Variants in SYT10 observed in about 807,000 individuals in gnomAD.
The protein encoded by SYT10 is synaptotagmin 10.
In SYT10, 31 loss-of-function variants were observed where a neutral mutation model predicts 51.1. That is an observed-to-expected ratio of 0.61 (90% CI 0.46 to 0.82). The LOEUF (loss-of-function observed/expected upper bound fraction) is 0.82. SYT10 is among the 40% of genes least tolerant of loss of function. The pLI, the probability that SYT10 is intolerant of heterozygous loss-of-function variation, is 0.00. For missense variants in SYT10, 603 were observed against 634.0 expected (o/e 0.95, Z 0.53); for synonymous variants, 233 against 225.9 (o/e 1.03, Z -0.28).
chr12:33,416,679 T>C (rs917526761), intron 2 of SYT10, among the ~76,000 whole-genome samples: 20 of 152,180 alleles, frequency 1.3e-4, no homozygotes, highest in African/African-American at 4.6e-4. Flanking sequence ...GATTTTGTCA[T>C]CATCAACAGC....
At chr12:33,429,714 T>C (rs963782118) in intron 1 of SYT10, among the ~76,000 whole-genome samples, 4 of 152,128 alleles carry the variant, frequency 2.6e-5, no homozygotes, top group Non-Finnish European at 4.4e-5. Context: ...AAAAAGTTAA[T>C]AGACTGGAGT....
chr12:33,415,964 A>ATT (rs1245131737), intron 2 of SYT10, among the ~76,000 whole-genome samples: 1 of 152,070 alleles, frequency 6.6e-6, no homozygotes, highest in Non-Finnish European at 1.5e-5. Context: ...CAAGGACATC[A>ATT]TTTCGTATGT....
At chr12:33,412,408 C>CT (rs1170747508) in intron 2 of SYT10, among the ~76,000 whole-genome samples, 65 of 144,238 alleles carry the variant, frequency 4.5e-4, no homozygotes, top group Middle Eastern at 7.2e-3. Context: ...TTTCTTCTGG[C>CT]TTTTTTTTTT....
At chr12:33,427,162 T>C (rs1393452636) in intron 1 of SYT10, among the ~76,000 whole-genome samples, 2 of 152,042 alleles carry the variant, frequency 1.3e-5, no homozygotes, top group Non-Finnish European at 1.5e-5. Context: ...CCCAAGGCCA[T>C]GGTATTAGGA....
At position 33,407,338 on chromosome 12, in the gene SYT10, T is replaced by A. The variant is rs757393799; in HGVS notation, c.528A>T (p.Arg176Ser). 1 of 1,605,302 alleles carries A rather than the reference T, an allele frequency of 6.2e-7. No homozygotes were observed. ...AAACCTGCATTTGCCTCGGCAGGTG[T>A]CTTCGGAAGGAACTGTGGCTGAACA... ...TSSTRHSSFRRHLPRQMQVSS... is the reference protein window; with the variant it reads ...TSSTRHSSFRSHLPRQMQVSS... The change falls in exon 3 of 7, where the codon AGA becomes AGT. Residue 176 changes from arginine to serine, a missense_variant. Coordinates refer to ENST00000228567, the MANE Select transcript of SYT10 (RefSeq NM_198992.4).
Position 33,426,508 on chromosome 12 carries a change from C to T in SYT10, c.152-13G>A. The T allele has an allele frequency of 6.5e-7, 1 of 1,538,050 alleles. No individual in the cohort carries two copies. The highest frequency in any genetic ancestry group is 8.7e-7 in the Non-Finnish European group (1 of 1,144,618). ...CTGACTGAAATATCTGGAAAAATTA[C>T]AATGTAAAAATGATTAATTAATATT... On this transcript the variant is annotated splice_polypyrimidine_tract_variant and intron_variant, in intron 1 of 6. Coordinates refer to ENST00000228567, the MANE Select transcript of SYT10 (RefSeq NM_198992.4).
rs1866668746 is a variant in SYT10 at position 33,439,658 on chromosome 12, C to A, written c.-136G>T. On this transcript the variant is annotated 5_prime_UTR_variant, in exon 1 of 7. Coordinates refer to ENST00000228567, the MANE Select transcript of SYT10 (RefSeq NM_198992.4). ...TGGCTGGAGATTGCGCCGCTGAGAGCCGGCAACTCTTAGGAGCCCCACGTT... is the reference window on the plus strand; with the variant it reads ...TGGCTGGAGATTGCGCCGCTGAGAGACGGCAACTCTTAGGAGCCCCACGTT... 2 of 1,106,384 alleles carry A rather than the reference C, an allele frequency of 1.8e-6. No individual in the cohort carries two copies. The highest frequency in any genetic ancestry group is 1.3e-6 in the Non-Finnish European group (1 of 786,562). The allele number at this position is 1,106,384 out of a possible 1,614,324, so 68.5% of individuals were successfully genotyped here.
At chr12:33,419,605 A>ACATACTGC (rs1365952529) in intron 2 of SYT10, among the ~76,000 whole-genome samples, 2 of 152,184 alleles carry the variant, frequency 1.3e-5, no homozygotes, top group Non-Finnish European at 2.9e-5. Context: ...TATGAGAATA[A>ACATACTGC]CATACTGCCT....
intron 6 of SYT10, among the ~76,000 whole-genome samples, chr12:33,377,775 C>T (rs952134258): frequency 2.6e-5 from 4 of 151,504 alleles, no homozygotes; most frequent in Non-Finnish European, 5.9e-5. Flanking sequence ...TTACAGGCGC[C>T]TGCCACCAAG....
intron 3 of SYT10, among the ~76,000 whole-genome samples, chr12:33,390,472 C>A (rs1866194585): frequency 6.6e-6 from 1 of 152,156 alleles, no homozygotes; most frequent in African/African-American, 2.4e-5. Context: ...TTTGACATGA[C>A]ACATGTGGCC....
chr12:33,388,309 C>G (rs1405487782), intron 3 of SYT10, among the ~76,000 whole-genome samples: 1 of 152,020 alleles, frequency 6.6e-6, no homozygotes, highest in Non-Finnish European at 1.5e-5. Context: ...ATGTTCTGTT[C>G]AAGAAAATAG....
intron 3 of SYT10, among the ~76,000 whole-genome samples, chr12:33,387,740 C>A: frequency 7.4e-6 from 1 of 135,576 alleles, no homozygotes. Flanking sequence ...TCTCTTCCTT[C>A]TAACATGTTT....
chr12:33,377,333 C>T (rs1192927738), intron 6 of SYT10, among the ~76,000 whole-genome samples: 1 of 151,642 alleles, frequency 6.6e-6, no homozygotes, highest in Non-Finnish European at 1.5e-5. Flanking sequence ...CCACCACGCC[C>T]GGCTAATTTT....
chr12:33,400,475 G>C (rs1866293075), intron 3 of SYT10, among the ~76,000 whole-genome samples: 1 of 151,860 alleles, frequency 6.6e-6, no homozygotes, highest in Non-Finnish European at 1.5e-5. Context: ...TGCTTAGTTA[G>C]AATATAATAG....
At chr12:33,426,087 C>T (rs1866548490) in intron 2 of SYT10, 51 bp downstream of exon 2, 1 of 1,506,574 alleles carries the variant, frequency 6.6e-7, no homozygotes. Flanking sequence ...CACACACACA[C>T]ACACACACAC....
chr12:33,435,961 T>C (rs562636267), intron 1 of SYT10, among the ~76,000 whole-genome samples: 2 of 152,284 alleles, frequency 1.3e-5, no homozygotes, highest in South Asian at 4.1e-4. Flanking sequence ...TAGTCCCAAA[T>C]TAAAATTGTG....
chr12:33,433,525 C>A (rs546536448), intron 1 of SYT10, among the ~76,000 whole-genome samples: 1 of 152,084 alleles, frequency 6.6e-6, no homozygotes, highest in Non-Finnish European at 1.5e-5. Flanking sequence ...GGATTATATG[C>A]GTTCAAAGTC....
At chr12:33,380,392 A>G (rs1866104022) in intron 5 of SYT10, among the ~76,000 whole-genome samples, 1 of 152,134 alleles carries the variant, frequency 6.6e-6, no homozygotes, top group Non-Finnish European at 1.5e-5. Flanking sequence ...AGCAGTACCA[A>G]TTTTCTTTAA....
intron 3 of SYT10, among the ~76,000 whole-genome samples, chr12:33,398,156 G>A (rs933038051): frequency 3.3e-5 from 5 of 152,118 alleles, no homozygotes; most frequent in Non-Finnish European, 7.3e-5. Context: ...ACTGTCTCCA[G>A]GTAGGAGATG....
Sources: allele counts gnomAD v4.1 joint callset (sites outside exome capture counted in the v4.1 genomes callset), GRCh38; gene constraint gnomAD v4.1.1; transcripts MANE v1.5; gene names NCBI Gene and HGNC (gene_info 2026-07-23, HGNC 2026-07-21).